The following WFDC3 variants were observed in gnomAD, a reference collection of about 807,000 sequenced individuals.
WFDC3 encodes the protein WAP four-disulfide core domain protein 3.
In WFDC3, 15 loss-of-function variants were observed where a neutral mutation model predicts 25.8. That is an observed-to-expected ratio of 0.58 (90% CI 0.39 to 0.89). The LOEUF (loss-of-function observed/expected upper bound fraction) is 0.89, where lower values mean the gene tolerates loss of function less well. WFDC3 is among the 40% of genes least tolerant of loss of function. WFDC3 has a pLI of 0.00. For missense variants in WFDC3, 264 were observed against 289.8 expected, an observed-to-expected ratio of 0.91 and a Z score of 0.65; for synonymous variants, 103 against 107.1, an observed-to-expected ratio of 0.96 and a Z score of 0.24.
chr20:45,778,225 A>C (rs1182757870), intron 4 of WFDC3, among the ~76,000 whole-genome samples: 1 of 152,200 alleles, frequency 6.6e-6, no homozygotes, highest in Non-Finnish European at 1.5e-5. Context: ...AGAACCTAGA[A>C]GAGAGGTCAT....
intron 5 of WFDC3, among the ~76,000 whole-genome samples, chr20:45,776,641 T>A (rs1332112574): frequency 0.012 from 1,059 of 88,624 alleles, 12 homozygotes; most frequent in African/African-American, 0.036. Context: ...AAAAAATATA[T>A]ATATATATAT....
chr20:45,774,593 T>C, intron 6 of WFDC3, 149 bp from the exon 7 acceptor site: 1 of 1,005,826 alleles, frequency 9.9e-7, no homozygotes, highest in South Asian at 1.5e-5. Flanking sequence ...CAATCCAAAC[T>C]GGCACTGAAG....
intron 4 of WFDC3, among the ~76,000 whole-genome samples, chr20:45,782,661 C>A (rs1161423254): frequency 6.6e-6 from 1 of 152,158 alleles, no homozygotes; most frequent in Non-Finnish European, 1.5e-5. Flanking sequence ...CAGGCATCAG[C>A]CACTGCGTTC....
chr20:45,779,442 T>C (rs778125311), intron 4 of WFDC3, among the ~76,000 whole-genome samples: 31 of 152,130 alleles, frequency 2.0e-4, no homozygotes, highest in Non-Finnish European at 3.7e-4. Context: ...TAACCCTGTA[T>C]CCTGAGATTT....
intron 4 of WFDC3, among the ~76,000 whole-genome samples, chr20:45,787,058 C>T (rs1404800313): frequency 7.6e-6 from 1 of 130,754 alleles, no homozygotes; most frequent in African/African-American, 2.9e-5. Flanking sequence ...CACACCACTG[C>T]ACTCTAGCCT....
intron 4 of WFDC3, among the ~76,000 whole-genome samples, chr20:45,779,554 C>A (rs1301526824): frequency 2.0e-5 from 3 of 152,074 alleles, no homozygotes; most frequent in African/African-American, 7.2e-5. Flanking sequence ...CTGTAACCAC[C>A]AAATGCATCT....
At chr20:45,786,557 G>T (rs145523698) in intron 4 of WFDC3, among the ~76,000 whole-genome samples, 2,323 of 152,156 alleles carry the variant, frequency 0.015, 112 homozygotes, top group Admixed American at 0.1. Context: ...CCATGAAAGC[G>T]GGCATGGGAT....
chr20:45,775,214 T>C (rs1269503162), intron 6 of WFDC3, among the ~76,000 whole-genome samples: 1 of 151,868 alleles, frequency 6.6e-6, no homozygotes, highest in African/African-American at 2.4e-5. Flanking sequence ...TATATGAGGG[T>C]TCTCATCTGG....
In WFDC3 at chr20:45,787,285, T is replaced by TC. The variant is rs1339543554; in HGVS notation, c.358+550_358+551insG. Among the ~76,000 whole-genome samples the TC allele has an allele frequency of 2.5e-3, 272 of 107,922 alleles. 4 individuals are homozygous for TC. Among genetic ancestry groups the TC allele is most frequent in the African/African-American group, 9.5e-3 (254 of 26,724 alleles). The allele number at this position is 107,922 out of a possible 152,430, so 70.8% of individuals were successfully genotyped here. ...TTACCCAGTGGTTTTCTTTTTTCTT[T>TC]TTTTTTTTTTTTTTTTTTTTTTTGA... is the stretch of plus-strand genomic sequence containing the variant. On this transcript the variant is annotated intron_variant, in intron 4 of 6. Coordinates refer to ENST00000243938, the MANE Select transcript of WFDC3 (RefSeq NM_080614.2).
intron 4 of WFDC3, 26 bp downstream of exon 4, chr20:45,787,810 T>G: frequency 2.5e-6 from 4 of 1,596,830 alleles, no homozygotes; most frequent in Non-Finnish European, 3.4e-6. Context: ...AAACAGACCA[T>G]GAGGTGTGGG....
rs113228135 is a variant in WFDC3, at chr20:45,777,071, A to G, written c.493+4T>C. On this transcript the variant is annotated splice_donor_region_variant and intron_variant, in intron 5 of 6. Coordinates refer to ENST00000243938, the MANE Select transcript of WFDC3 (RefSeq NM_080614.2). Reference sequence around the variant, plus strand: ...AGGATTTCTTCCCAAAAGAGCCAACATACCTCCCTCAATGTCTCCGAGGCA... The same window carrying G: ...AGGATTTCTTCCCAAAAGAGCCAACGTACCTCCCTCAATGTCTCCGAGGCA... 1.9e-6 allele frequency: 3 copies of G among 1,612,670 alleles called. No individual in the cohort carries two copies. The highest frequency in any genetic ancestry group is 2.7e-5 in the African/African-American group (2 of 74,944).
At chr20:45,790,079 C>T in intron 1 of WFDC3, 97 bp from the exon 2 acceptor site, 1 of 856,898 alleles carries the variant, frequency 1.2e-6, no homozygotes, top group Non-Finnish European at 1.9e-6. Flanking sequence ...GGCCCCAAAC[C>T]CAGTCCCAAA....
intron 1 of WFDC3, chr20:45,790,985 C>T: frequency 8.6e-6 from 4 of 466,174 alleles, no homozygotes; most frequent in South Asian, 6.2e-5. Flanking sequence ...CTGGTCATGC[C>T]TTTGGTTAGC....
At chr20:45,791,517 G>A (rs1456593491) in intron 1 of WFDC3, among the ~76,000 whole-genome samples, 1 of 151,954 alleles carries the variant, frequency 6.6e-6, no homozygotes, top group Non-Finnish European at 1.5e-5. Flanking sequence ...GGCTGGTCTC[G>A]AACTCCTGAT....
chr20:45,788,584 CTAAGGCT>C (rs1980794391), intron 3 of WFDC3: 1 of 187,086 alleles, frequency 5.3e-6, no homozygotes, highest in South Asian at 1.6e-4. Context: ...TTATAAAGAG[CTAAGGCT>C]TAAGGCTTAA....
intron 4 of WFDC3, among the ~76,000 whole-genome samples, chr20:45,787,527 G>A (rs1031981461): frequency 1.3e-5 from 2 of 151,914 alleles, no homozygotes; most frequent in South Asian, 2.1e-4. Context: ...TCCTGACCTC[G>A]TGATCCGCCC....
chr20:45,785,373 C>T (rs567026812), intron 4 of WFDC3, among the ~76,000 whole-genome samples: 10 of 150,806 alleles, frequency 6.6e-5, no homozygotes, highest in East Asian at 2.0e-4. Context: ...AGGAGGCTGA[C>T]GCACAAGAAT....
chr20:45,784,133 G>A (rs1000155760), intron 4 of WFDC3, among the ~76,000 whole-genome samples: 4 of 152,220 alleles, frequency 2.6e-5, no homozygotes, highest in Non-Finnish European at 5.9e-5. Context: ...CAAACACTGG[G>A]AAGATTGTAC....
At chr20:45,786,425 G>A (rs993507586) in intron 4 of WFDC3, among the ~76,000 whole-genome samples, 6 of 152,080 alleles carry the variant, frequency 3.9e-5, no homozygotes, top group African/African-American at 1.4e-4. Flanking sequence ...TGAGTTCTCC[G>A]CTTTACTCTG....
Sources: gnomAD v4.1 joint callset for allele counts (sites outside exome capture counted in the v4.1 genomes callset) on GRCh38, gnomAD v4.1.1 for gene constraint, MANE v1.5 for transcripts, NCBI Gene and HGNC (gene_info 2026-07-23, HGNC 2026-07-21) for gene names.